ADGRV1: variants seen among roughly 807,000 people sequenced by gnomAD.
The protein encoded by ADGRV1 is adhesion G protein-coupled receptor V1.
In ADGRV1, 359 loss-of-function variants were observed where a neutral mutation model predicts 596.2. That is an observed-to-expected ratio of 0.60 (90% confidence interval 0.55 to 0.66). The LOEUF (loss-of-function observed/expected upper bound fraction) is 0.66, where lower values mean the gene tolerates loss of function less well. Ranked by LOEUF, ADGRV1 falls within the 30% of genes least tolerant of loss-of-function variation. ADGRV1 has a pLI of 0.00. For missense variants in ADGRV1, 7,274 were observed against 7,575.6 expected, an observed-to-expected ratio of 0.96 and a Z score of 1.48; for synonymous variants, 2,681 against 2,679.2, an observed-to-expected ratio of 1.00 and a Z score of -0.02.
intron 21 of ADGRV1, among the ~76,000 whole-genome samples, chr5:90,667,071 A>T (rs1490039805): frequency 6.6e-6 from 1 of 151,632 alleles, no homozygotes; most frequent in Admixed American, 6.6e-5. Context: ...ACTTTGGTGA[A>T]ACTGACAATT....
intron 85 of ADGRV1, among the ~76,000 whole-genome samples, chr5:90,988,259 G>A (rs1780659274): frequency 2.0e-5 from 3 of 152,096 alleles, no homozygotes; most frequent in Admixed American, 2.0e-4. Flanking sequence ...TCATGTACAA[G>A]CTATTTCATT....
chr5:90,849,846 A>G (rs1461493211), intron 79 of ADGRV1, among the ~76,000 whole-genome samples: 2 of 152,268 alleles, frequency 1.3e-5, no homozygotes, highest in African/African-American at 4.8e-5. Context: ...ATTGAACAAT[A>G]TCGATTGCCT....
intron 65 of ADGRV1, among the ~76,000 whole-genome samples, chr5:90,782,138 T>TA (rs1269939839): frequency 6.6e-6 from 1 of 152,202 alleles, no homozygotes; most frequent in Non-Finnish European, 1.5e-5. Context: ...AATGATTTTA[T>TA]TCAAAGGCAG....
chr5:90,904,961 C>A (rs1772181578), intron 83 of ADGRV1, among the ~76,000 whole-genome samples: 1 of 151,904 alleles, frequency 6.6e-6, no homozygotes, highest in Non-Finnish European at 1.5e-5. Context: ...ATATGGATAT[C>A]CAGTTTTCTC....
intron 77 of ADGRV1, among the ~76,000 whole-genome samples, chr5:90,840,195 A>T (rs1409176375): frequency 6.6e-6 from 1 of 151,922 alleles, no homozygotes; most frequent in Non-Finnish European, 1.5e-5. Context: ...CTGCCCCCCA[A>T]AATTTCTATG....
Position 90,759,467 on chromosome 5 carries a change from C to T in ADGRV1, c.11999C>T (p.Thr4000Met), listed in dbSNP as rs758506587. Reference protein sequence around the residue: ...IDDAEFELTETFNISLISVAG... With the variant: ...IDDAEFELTEMFNISLISVAG... ...GATGCTGAATTTGAATTGACAGAGA[C>T]GTTCAATATTTCCTTGATCAGTGTT... The change falls in exon 58 of 90, where the codon ACG becomes ATG. Residue 4000 changes from threonine (T) to methionine (M), a missense_variant. Transcript: ENST00000405460. 18 of 1,602,450 alleles carry T rather than the reference C, an allele frequency of 1.1e-5. No individual in the cohort carries two copies. The highest frequency in any genetic ancestry group is 4.5e-5 in the East Asian group (2 of 44,688).
At chr5:91,159,127 G>A (rs1245052823) in intron 89 of ADGRV1, among the ~76,000 whole-genome samples, 1 of 152,152 alleles carries the variant, frequency 6.6e-6, no homozygotes, top group East Asian at 1.9e-4. Flanking sequence ...TAAGGGGCAA[G>A]GAGGAGACCT....
rs150816712 is a variant in ADGRV1 at position 90,558,829 on chromosome 5, A to G, written c.-67A>G. ...AGAATCAGCAGCGCGGGCAAGGAGT[A>G]CGGACGGGAGTCAGAGGCAGAGCGA... On this transcript the variant is annotated 5_prime_UTR_variant, in exon 1 of 90. Coordinates refer to ENST00000405460, the MANE Select transcript of ADGRV1 (RefSeq NM_032119.4). 2 of 1,506,650 alleles carry G rather than the reference A, an allele frequency of 1.3e-6. No individual in the cohort carries two copies. Among genetic ancestry groups the G allele is most frequent in the Admixed American group, 2.0e-5 (1 of 51,078 alleles). 93.3% of individuals were successfully genotyped at this position (1,506,650 alleles called of 1,614,324 possible).
Position 91,072,485 on chromosome 5 carries a change from C to A in ADGRV1, c.18191C>A (p.Ala6064Glu). The change falls in exon 86 of 90, where the codon GCA becomes GAA. Residue 6064 changes from alanine to glutamate, a missense_variant. Ala to Glu is a moderately radical substitution (Grantham distance 107). This residue lies in a region of ADGRV1 where 1,874 missense variants were observed against 1,970.2 expected (regional missense o/e 0.95). Transcript: ENST00000405460. ...IPNVYAALFT[A>E]ALVPLTCLVV... ...AACGTCTATGCTGCTTTGTTCACTG[C>A]AGCTCTTGTTCCTTTGACGTGCCTC... 6.2e-7 allele frequency: 1 copy of A among 1,613,778 alleles called. No individual in the cohort carries two copies. Among genetic ancestry groups the A allele is most frequent in the East Asian group, 2.2e-5 (1 of 44,882 alleles).
At chr5:90,890,373 A>G (rs980346597) in intron 83 of ADGRV1, among the ~76,000 whole-genome samples, 1 of 152,048 alleles carries the variant, frequency 6.6e-6, no homozygotes, top group African/African-American at 2.4e-5. Context: ...GCTCTTACAC[A>G]TGGTGTTTCA....
chr5:91,069,715 A>G (rs909989345), intron 85 of ADGRV1, among the ~76,000 whole-genome samples: 2 of 152,202 alleles, frequency 1.3e-5, no homozygotes, highest in Non-Finnish European at 2.9e-5. Context: ...TTCTCAGCGA[A>G]CTTAGAACAC....
chr5:90,973,044 C>G (rs142949091), intron 84 of ADGRV1, among the ~76,000 whole-genome samples: 2,255 of 152,228 alleles, frequency 0.015, 30 homozygotes, highest in Non-Finnish European at 0.023. Flanking sequence ...CACAGAAATA[C>G]AGACTACCAT....
intron 53 of ADGRV1, among the ~76,000 whole-genome samples, chr5:90,751,220 A>T (rs915765012): frequency 6.6e-6 from 1 of 152,066 alleles, no homozygotes; most frequent in African/African-American, 2.4e-5. Flanking sequence ...GCAGAGGGAG[A>T]AGTTGATCCA....
intron 87 of ADGRV1, among the ~76,000 whole-genome samples, chr5:91,129,785 C>T: frequency 6.6e-6 from 1 of 152,100 alleles, no homozygotes; most frequent in South Asian, 2.1e-4. Context: ...GTCTACGGCA[C>T]ACCTTGATTC....
At chr5:90,752,966 G>T (rs1012110867) in intron 53 of ADGRV1, among the ~76,000 whole-genome samples, 4 of 152,152 alleles carry the variant, frequency 2.6e-5, no homozygotes, top group Non-Finnish European at 5.9e-5. Flanking sequence ...TGGTGTGTGA[G>T]GTGGGAATCA....
intron 83 of ADGRV1, among the ~76,000 whole-genome samples, chr5:90,877,119 G>C (rs370858818): frequency 1.2e-4 from 19 of 152,312 alleles, no homozygotes; most frequent in African/African-American, 4.3e-4. Context: ...AAAATGCTTA[G>C]CTGTCTTGAA....
chr5:90,612,556 T>C (rs1762840852), intron 1 of ADGRV1, among the ~76,000 whole-genome samples: 1 of 151,990 alleles, frequency 6.6e-6, no homozygotes, highest in Admixed American at 6.6e-5. Context: ...TCTGCTTTAG[T>C]TTTCTCAGCT....
Position 90,854,047 on chromosome 5 carries a change from T to C in ADGRV1, c.17455-15T>C, listed in dbSNP as rs1303634479. On this transcript the variant is annotated splice_polypyrimidine_tract_variant and intron_variant, in intron 80 of 89. Transcript: ENST00000405460. ...TTGTAAAACATCATTATATGTTCTG[T>C]TTTTAACATTCTAGGTATTATCTTT... is the stretch of plus-strand genomic sequence containing the variant. 3 of 1,556,010 alleles carry C rather than the reference T, an allele frequency of 1.9e-6. No homozygotes were observed. The highest frequency in any genetic ancestry group is 1.8e-5 in the Admixed American group (1 of 54,884).
chr5:90,966,436 G>A lies in ADGRV1; in HGVS notation c.17973+905G>A, dbSNP rs147969097. On this transcript the variant is annotated intron_variant, in intron 84 of 89. Coordinates refer to ENST00000405460, the MANE Select transcript of ADGRV1 (RefSeq NM_032119.4). ...AATCCCAGCTACTAGGGAGGCTGAG[G>A]CAGGAGAATCACTTGAACCCAGGAG... Among the ~76,000 whole-genome samples, 52 of 149,984 alleles carry A rather than the reference G, an allele frequency of 3.5e-4. 1 individual carries two copies. The East Asian group carries it at 9.5e-3, about 27-fold the overall frequency.
Sources: allele counts gnomAD v4.1 joint callset (sites outside exome capture counted in the v4.1 genomes callset), GRCh38; gene constraint gnomAD v4.1.1; regional missense constraint gnomAD v4.1.1; transcripts MANE v1.5; gene names NCBI Gene and HGNC (gene_info 2026-07-23, HGNC 2026-07-21).